UGGT1: variants seen among roughly 807,000 people sequenced by gnomAD.
UGGT1 encodes the protein UDP-glucose glycoprotein glucosyltransferase 1, also known as UDP-glucose:glycoprotein glucosyltransferase 1.
UGGT1 carries 107 observed loss-of-function variants against 203.9 expected under a neutral mutation model. That is an observed-to-expected ratio of 0.52 (90% CI 0.45 to 0.62). The LOEUF (loss-of-function observed/expected upper bound fraction) is 0.62, where lower values mean the gene tolerates loss of function less well. UGGT1 is among the 20% of genes least tolerant of loss of function. UGGT1 has a pLI of 0.00. For missense variants in UGGT1, 1,673 were observed against 1,867.2 expected, an observed-to-expected ratio of 0.90 and a Z score of 1.92; for synonymous variants, 628 against 653.5, an observed-to-expected ratio of 0.96 and a Z score of 0.59.
At chr2:128,091,770 T>C (rs1162260258) in intron 1 of UGGT1, among the ~76,000 whole-genome samples, 1 of 152,228 alleles carries the variant, frequency 6.6e-6, no homozygotes, top group African/African-American at 2.4e-5. Flanking sequence ...AGGACCCTGA[T>C]TGCAGAACGA....
At chr2:128,161,297 G>T in intron 25 of UGGT1, 29 bp downstream of exon 25, 1 of 1,607,620 alleles carries the variant, frequency 6.2e-7, no homozygotes, top group Non-Finnish European at 8.5e-7. Context: ...GGAATTACAG[G>T]GGTTATATAA....
chr2:128,111,865 C>T (rs1687869955), intron 5 of UGGT1, among the ~76,000 whole-genome samples: 1 of 151,644 alleles, frequency 6.6e-6, no homozygotes, highest in Non-Finnish European at 1.5e-5. Flanking sequence ...CTTGGCCAGC[C>T]GTGGTGGCTT....
chr2:128,109,686 A>C lies in UGGT1; in HGVS notation c.461A>C (p.His154Pro). The C allele has an allele frequency of 1.2e-6, 2 of 1,614,152 alleles. No homozygotes were observed. The highest frequency in any genetic ancestry group is 1.7e-6 in the Non-Finnish European group (2 of 1,180,018). ...GGATGTAATTCGTTTTTTTCAGTGC[A>C]TGGAAAGAAGACTTGTGAATCTGAT... ...PEGCNSFFSVHGKKTCESDTL... is the reference protein window; with the variant it reads ...PEGCNSFFSVPGKKTCESDTL... Residue 154 changes from histidine to proline, a missense_variant, in exon 5 of 41, where the codon CAT (histidine) becomes CCT (proline). This residue lies in a region of UGGT1 where 1,073 missense variants were observed against 1,078.7 expected (regional missense o/e 0.99). Transcript: ENST00000259253.
chr2:128,122,529 C>T (rs956507125), intron 10 of UGGT1, among the ~76,000 whole-genome samples: 6 of 146,304 alleles, frequency 4.1e-5, no homozygotes, highest in African/African-American at 7.6e-5. Flanking sequence ...AACGAAACTC[C>T]GTCTAAAAAA....
At chr2:128,177,074 T>C (rs1391759855) in intron 32 of UGGT1, among the ~76,000 whole-genome samples, 176 bp downstream of exon 32, 1 of 152,160 alleles carries the variant, frequency 6.6e-6, no homozygotes, top group South Asian at 2.1e-4. Flanking sequence ...ACTGAAAGAT[T>C]GTACCTTTTG....
Position 128,127,354 on chromosome 2 carries a change from T to C in UGGT1, c.1135-7T>C. 6.2e-7 allele frequency: 1 copy of C among 1,601,406 alleles called. No homozygotes were observed. The highest frequency in any genetic ancestry group is 8.5e-7 in the Non-Finnish European group (1 of 1,171,252). On this transcript the variant is annotated splice_polypyrimidine_tract_variant and splice_region_variant and intron_variant, in intron 11 of 40. Coordinates refer to ENST00000259253, the MANE Select transcript of UGGT1 (RefSeq NM_020120.4). The stretch of plus-strand genomic sequence containing the variant: ...ACAGCTCCCTAATAATTATTAAAAT[T>C]TTTCAGTATTTCAAGGGAACTTTAG...
At chr2:128,180,770 G>C (rs1691654946) in intron 35 of UGGT1, 120 bp from the exon 36 acceptor site, 1 of 1,051,252 alleles carries the variant, frequency 9.5e-7, no homozygotes, top group Non-Finnish European at 1.4e-6. Flanking sequence ...GTCTTTGTAA[G>C]ACCACTGTTT....
chr2:128,115,120 G>A lies in UGGT1; in HGVS notation c.697-4G>A. 1.2e-6 allele frequency: 2 copies of A among 1,613,712 alleles called. No homozygotes were observed. Among genetic ancestry groups the A allele is most frequent in the Admixed American group, 1.7e-5 (1 of 60,000 alleles). On this transcript the variant is annotated splice_region_variant and splice_polypyrimidine_tract_variant and intron_variant, in intron 6 of 40. Transcript: ENST00000259253. ...TAATGATGGAATTCTTGCTTTACTT[G>A]CAGAATCCCAGGAAGGAGCCTGTTT...
At chr2:128,189,653 A>C in intron 40 of UGGT1, 64 bp from the exon 41 acceptor site, 1 of 1,554,068 alleles carries the variant, frequency 6.4e-7, no homozygotes, top group Non-Finnish European at 8.8e-7. Context: ...AAAAATGCCC[A>C]CTCAGTGGTG....
intron 18 of UGGT1, among the ~76,000 whole-genome samples, chr2:128,147,653 C>T (rs955587412): frequency 1.3e-5 from 2 of 151,830 alleles, no homozygotes; most frequent in Non-Finnish European, 2.9e-5. Context: ...CTCTGTCACC[C>T]GGGTTGGAGT....
chr2:128,113,186 C>T lies in UGGT1; in HGVS notation c.624C>T (p.Ser208=). ...FYSEIGSEEF[S]NFHRQLISKS... ...CTGAGATTGGCTCTGAGGAATTTTC[C>T]AATTTTCACCGCCAGCTTATATCAA... The change falls in exon 6 of 41, where the codon TCC becomes TCT. Residue 208 remains serine, a synonymous_variant. Transcript: ENST00000259253. 6.2e-7 allele frequency: 1 copy of T among 1,613,226 alleles called. No homozygotes were observed. Among genetic ancestry groups the T allele is most frequent in the Non-Finnish European group, 8.5e-7 (1 of 1,179,530 alleles).
At chr2:128,108,573 AGACAGT>A (rs1687709121) in intron 4 of UGGT1, among the ~76,000 whole-genome samples, 2 of 99,456 alleles carry the variant, frequency 2.0e-5, no homozygotes, top group Admixed American at 2.3e-4. Flanking sequence ...ACTTAAGAAG[AGACAGT>A]CAAAGATGTC....
intron 2 of UGGT1, among the ~76,000 whole-genome samples, chr2:128,103,596 ATTC>A (rs954769777): frequency 6.6e-6 from 1 of 152,108 alleles, no homozygotes; most frequent in African/African-American, 2.4e-5. Flanking sequence ...TCAGTTCCTA[ATTC>A]TTCTTCCACT....
intron 19 of UGGT1, among the ~76,000 whole-genome samples, chr2:128,153,463 A>G (rs1408876949): frequency 6.6e-6 from 1 of 152,148 alleles, no homozygotes; most frequent in African/African-American, 2.4e-5. Flanking sequence ...CATCATTATC[A>G]TCACCCCCCA....
intron 5 of UGGT1, among the ~76,000 whole-genome samples, chr2:128,110,476 C>T (rs1297499407): frequency 6.6e-6 from 1 of 152,180 alleles, no homozygotes. Flanking sequence ...CAAAAAACAG[C>T]GTGCGTTCCA....
At chr2:128,095,567 C>T (rs1411634852) in intron 1 of UGGT1, among the ~76,000 whole-genome samples, 1 of 151,918 alleles carries the variant, frequency 6.6e-6, no homozygotes, top group African/African-American at 2.4e-5. Flanking sequence ...TGCCCAGATG[C>T]AGCATGGACC....
intron 16 of UGGT1, 103 bp from the exon 17 acceptor site, chr2:128,142,991 G>T: frequency 2.3e-5 from 24 of 1,048,056 alleles, no homozygotes; most frequent in Non-Finnish European, 2.8e-5. Context: ...AAAAAAAAAA[G>T]AAAAATAAGT....
chr2:128,096,526 C>T (rs1687124582), intron 1 of UGGT1, among the ~76,000 whole-genome samples: 1 of 152,146 alleles, frequency 6.6e-6, no homozygotes. Context: ...CTGTCTTCAC[C>T]TGGTGGTCTC....
At chr2:128,148,488 T>C (rs1689799371) in intron 18 of UGGT1, among the ~76,000 whole-genome samples, 1 of 152,222 alleles carries the variant, frequency 6.6e-6, no homozygotes, top group South Asian at 2.1e-4. Context: ...CTTTGATGCA[T>C]GAATTCAAAA....
Sources: allele counts gnomAD v4.1 joint callset (sites outside exome capture counted in the v4.1 genomes callset), GRCh38; gene constraint gnomAD v4.1.1; regional missense constraint gnomAD v4.1.1; transcripts MANE v1.5; gene names NCBI Gene and HGNC (gene_info 2026-07-23, HGNC 2026-07-21).